Variants in MAGI2 observed in about 807,000 individuals in gnomAD.
The protein encoded by MAGI2 is membrane-associated guanylate kinase, WW and PDZ domain-containing protein 2.
MAGI2 carries 35 observed loss-of-function variants against 133.3 expected under a neutral mutation model. The observed-to-expected ratio is 0.26, with a 90% CI of 0.20 to 0.35. The LOEUF is 0.35. Ranked by LOEUF, MAGI2 falls within the 10% of genes least tolerant of loss-of-function variation. The probability of loss-of-function intolerance (pLI) is 1.00; values close to 1 mark genes in which losing one functional copy is unlikely to be tolerated. For synonymous variants in MAGI2, 729 were observed against 710.6 expected (o/e 1.03, Z -0.41); for missense variants, 1,636 against 1,863.4 (o/e 0.88, Z 2.25).
chr7:78,240,436 T>C (rs10238079), intron 10 of MAGI2, among the ~76,000 whole-genome samples: 3,696 of 152,220 alleles, frequency 0.024, 149 homozygotes, highest in African/African-American at 0.084. Context: ...GTTATATCTA[T>C]ATAATGGAAT....
chr7:79,326,849 C>A (rs774587931), intron 1 of MAGI2, among the ~76,000 whole-genome samples: 7 of 152,180 alleles, frequency 4.6e-5, no homozygotes, highest in Admixed American at 1.3e-4. Context: ...ACCAAGTCCT[C>A]TTTTCGGCAT....
intron 9 of MAGI2, among the ~76,000 whole-genome samples, chr7:78,326,046 C>T (rs1788548358): frequency 6.6e-6 from 1 of 152,148 alleles, no homozygotes; most frequent in South Asian, 2.1e-4. Flanking sequence ...TCTGTTTCCA[C>T]TTTCCTTCTC....
chr7:79,207,080 A>T (rs1363215315), intron 1 of MAGI2, among the ~76,000 whole-genome samples: 2 of 151,946 alleles, frequency 1.3e-5, no homozygotes, highest in African/African-American at 4.8e-5. Flanking sequence ...TAACACAATA[A>T]GGGCCATACA....
At chr7:79,308,817 T>C (rs555328804) in intron 1 of MAGI2, among the ~76,000 whole-genome samples, 2 of 152,296 alleles carry the variant, frequency 1.3e-5, no homozygotes, top group African/African-American at 4.8e-5. Context: ...TCATTTCTTT[T>C]CTTAAGAAAA....
intron 1 of MAGI2, among the ~76,000 whole-genome samples, chr7:79,148,487 T>C (rs893495131): frequency 6.6e-6 from 1 of 152,192 alleles, no homozygotes; most frequent in Non-Finnish European, 1.5e-5. Flanking sequence ...TTCTGCTTCT[T>C]CCATTTTACT....
rs1450616972 is a variant in MAGI2 at position 79,168,928 on chromosome 7, AT to A, written c.302-161723del. On this transcript the variant is annotated intron_variant, in intron 1 of 21. Transcript: ENST00000354212. Reference sequence around the variant, plus strand: ...TATATATATATATATATATATATATATATATAAATTTTTTTTCCCTTTGCAA... The same window carrying A: ...TATATATATATATATATATATATATAATATAAATTTTTTTTCCCTTTGCAA... 3.6e-5 allele frequency among the ~76,000 whole-genome samples: 4 copies of A among 110,040 alleles called. No homozygotes were observed. In the East Asian group the frequency reaches 1.1e-3, roughly 30 times the overall value. 72.2% of individuals were successfully genotyped at this position (110,040 alleles called of 152,430 possible).
intron 21 of MAGI2, among the ~76,000 whole-genome samples, chr7:78,063,209 T>C (rs1181074979): frequency 6.6e-6 from 1 of 150,890 alleles, no homozygotes; most frequent in Admixed American, 6.7e-5. Context: ...AAACCTCAGA[T>C]TCCTTCGCTT....
chr7:79,134,743 G>A (rs1821224939), intron 1 of MAGI2, among the ~76,000 whole-genome samples: 1 of 152,196 alleles, frequency 6.6e-6, no homozygotes. Context: ...CAAGTAGAGA[G>A]TATTAGAATA....
chr7:78,655,741 G>A (rs1812171747), intron 2 of MAGI2, among the ~76,000 whole-genome samples: 1 of 152,066 alleles, frequency 6.6e-6, no homozygotes, highest in Non-Finnish European at 1.5e-5. Context: ...CAGCACTTTG[G>A]GAGGCCGAGG....
At chr7:78,115,722 A>T (rs1290241770) in intron 20 of MAGI2, among the ~76,000 whole-genome samples, 4 of 152,204 alleles carry the variant, frequency 2.6e-5, no homozygotes, top group Non-Finnish European at 5.9e-5. Context: ...GTGTTGGCTG[A>T]TGCCTGTAAT....
At chr7:78,718,753 T>C (rs1007809013) in intron 2 of MAGI2, among the ~76,000 whole-genome samples, 2 of 152,170 alleles carry the variant, frequency 1.3e-5, no homozygotes, top group South Asian at 4.2e-4. Flanking sequence ...GCTTGAATCA[T>C]CCCGAAACTA....
chr7:79,399,075 A>ATTTCT (rs1845265626), intron 1 of MAGI2, among the ~76,000 whole-genome samples: 16 of 113,104 alleles, frequency 1.4e-4, no homozygotes, highest in East Asian at 1.4e-3. Flanking sequence ...CACTAGTATT[A>ATTTCT]TTTCTTTTTT....
Position 78,098,916 on chromosome 7 carries a change from T to C in MAGI2, c.3568-19831A>G, listed in dbSNP as rs1384217447. On this transcript the variant is annotated intron_variant, in intron 20 of 21. Coordinates refer to ENST00000354212, the MANE Select transcript of MAGI2 (RefSeq NM_012301.4). Reference sequence around the variant, plus strand: ...ATTCATAAATTCTTCCTTAAGTACTTTGCCAATTTTTTTCCCATTAGGTTG... The same window carrying C: ...ATTCATAAATTCTTCCTTAAGTACTCTGCCAATTTTTTTCCCATTAGGTTG... 1.1e-4 allele frequency among the ~76,000 whole-genome samples: 17 copies of C among 152,294 alleles called. No homozygotes were observed. In the East Asian group the frequency reaches 3.3e-3, roughly 29 times the overall value.
intron 3 of MAGI2, among the ~76,000 whole-genome samples, chr7:78,526,885 G>A (rs1333819707): frequency 6.6e-6 from 1 of 151,502 alleles, no homozygotes; most frequent in Non-Finnish European, 1.5e-5. Flanking sequence ...GCATGTGCCT[G>A]TAGTCCCAGC....
At position 78,823,645 on chromosome 7, in the gene MAGI2, A is replaced by AT. The variant is rs545435493; in HGVS notation, c.418+183444dup. ...ATTTCAGCAGCCAGTTAAACAAATC[A>AT]TTTTTAGGTGATAAAGAAGTAGCAT... On this transcript the variant is annotated intron_variant, in intron 2 of 21. Coordinates refer to ENST00000354212, the MANE Select transcript of MAGI2 (RefSeq NM_012301.4). Among the ~76,000 whole-genome samples, 45 of 151,730 alleles carry AT rather than the reference A, an allele frequency of 3.0e-4. No individual in the cohort carries two copies. The South Asian group carries it at 9.2e-3, about 31-fold the overall frequency.
intron 1 of MAGI2, among the ~76,000 whole-genome samples, chr7:79,320,242 C>A (rs1563111972): frequency 1.3e-5 from 2 of 151,862 alleles, no homozygotes; most frequent in Non-Finnish European, 2.9e-5. Context: ...CACACACACA[C>A]AAAGAATACA....
chr7:78,133,049 G>A lies in MAGI2; in HGVS notation c.3043C>T (p.Pro1015Ser), dbSNP rs770215253. 1 of 1,570,438 alleles carries A rather than the reference G, an allele frequency of 6.4e-7. No individual in the cohort carries two copies. Among genetic ancestry groups the A allele is most frequent in the South Asian group, 1.2e-5 (1 of 83,532 alleles). ...TTCTCTGAGCTGGGTGCCGAGGTGG[G>A]GCTGTTGAGCTCTGCGATGGAGAAC... ...RIIPQEELNS[P>S]TSAPSSEKQS... is the part of the protein sequence containing the mutation. The change falls in exon 18 of 22, where the codon CCC becomes TCC. Residue 1015 changes from proline to serine, a missense_variant. This residue lies in a region of MAGI2 where 920 missense variants were observed against 1,093.5 expected (regional missense o/e 0.84). Coordinates refer to ENST00000354212, the MANE Select transcript of MAGI2 (RefSeq NM_012301.4).
At position 78,719,607 on chromosome 7, in the gene MAGI2, C is replaced by G. The variant is rs561115108; in HGVS notation, c.419-92368G>C. 2.0e-5 allele frequency among the ~76,000 whole-genome samples: 3 copies of G among 152,320 alleles called. No individual in the cohort carries two copies. In the South Asian group the frequency reaches 6.2e-4, roughly 32 times the overall value. ...CGAAGAAAATAAGCAAGTTGCAACC[C>G]TCTTTCTTTTACTTTCAACGACAAA... On this transcript the variant is annotated intron_variant, in intron 2 of 21. Transcript: ENST00000354212.
intron 9 of MAGI2, among the ~76,000 whole-genome samples, chr7:78,322,004 GAA>G (rs746708432): frequency 2.8e-4 from 43 of 152,066 alleles, no homozygotes; most frequent in Non-Finnish European, 5.7e-4. Context: ...CAAGAAACAT[GAA>G]AAAAAGCTCA....
Sources: gnomAD v4.1 joint callset for allele counts (sites outside exome capture counted in the v4.1 genomes callset) on GRCh38, gnomAD v4.1.1 for gene constraint, gnomAD v4.1.1 regional missense constraint, MANE v1.5 for transcripts, NCBI Gene and HGNC (gene_info 2026-07-23, HGNC 2026-07-21) for gene names.